DSCAM: variants seen among roughly 807,000 people sequenced by gnomAD.
The protein encoded by DSCAM is cell adhesion molecule DSCAM.
DSCAM carries 47 observed loss-of-function variants against 217.7 expected under a neutral mutation model. The observed-to-expected ratio is 0.22, with a 90% confidence interval of 0.17 to 0.28. The LOEUF (loss-of-function observed/expected upper bound fraction) is 0.28, where lower values mean the gene tolerates loss of function less well. Ranked by LOEUF, DSCAM falls within the 10% of genes least tolerant of loss-of-function variation. The probability of loss-of-function intolerance (pLI) is 1.00; values close to 1 mark genes in which losing one functional copy is unlikely to be tolerated. For missense variants in DSCAM, 2,080 were observed against 2,618.3 expected, an observed-to-expected ratio of 0.79 and a Z score of 4.49; for synonymous variants, 1,056 against 1,015.3, an observed-to-expected ratio of 1.04 and a Z score of -0.76.
At chr21:40,152,401 G>A (rs1351205353) in intron 16 of DSCAM, among the ~76,000 whole-genome samples, 1 of 152,162 alleles carries the variant, frequency 6.6e-6, no homozygotes, top group Admixed American at 6.5e-5. Flanking sequence ...TTCCCATGTT[G>A]AACTTTACTC....
chr21:40,403,039 T>A (rs1299386894), intron 3 of DSCAM, among the ~76,000 whole-genome samples: 1 of 152,078 alleles, frequency 6.6e-6, no homozygotes. Flanking sequence ...TATCCTTCAC[T>A]AGACACTGAA....
intron 20 of DSCAM, among the ~76,000 whole-genome samples, chr21:40,115,989 T>G (rs949518209): frequency 6.6e-6 from 1 of 152,180 alleles, no homozygotes; most frequent in Non-Finnish European, 1.5e-5. Flanking sequence ...AAGAACAAGA[T>G]CATGTCCTTT....
intron 21 of DSCAM, among the ~76,000 whole-genome samples, chr21:40,090,623 C>T (rs1358321231): frequency 1.3e-5 from 2 of 151,936 alleles, no homozygotes; most frequent in African/African-American, 2.4e-5. Context: ...TCTGCTGCCT[C>T]TCTGGCTTTT....
chr21:40,062,296 C>T (rs2089135750), intron 28 of DSCAM, among the ~76,000 whole-genome samples: 1 of 152,170 alleles, frequency 6.6e-6, no homozygotes, highest in African/African-American at 2.4e-5. Context: ...TCATTCATCC[C>T]CTCCACGGTT....
intron 18 of DSCAM, 111 bp downstream of exon 18, chr21:40,142,447 A>T: frequency 8.3e-7 from 1 of 1,203,298 alleles, no homozygotes; most frequent in Non-Finnish European, 1.2e-6. Flanking sequence ...GTCTATTGAT[A>T]AAGAGGTGCC....
In DSCAM at chr21:40,820,718, A is replaced by G. The variant is rs925815356; in HGVS notation, c.43+25901T>C. Reference sequence around the variant, plus strand: ...ATAGCCATGTAAAAATTCAAAGAAAAAAACAAAAAATCAAGAGTGAGTGAA... The same window carrying G: ...ATAGCCATGTAAAAATTCAAAGAAAGAAACAAAAAATCAAGAGTGAGTGAA... On this transcript the variant is annotated intron_variant, in intron 1 of 32. Coordinates refer to ENST00000400454, the MANE Select transcript of DSCAM (RefSeq NM_001389.5). 3.9e-5 allele frequency among the ~76,000 whole-genome samples: 6 copies of G among 152,314 alleles called. No homozygotes were observed. In the South Asian group the frequency reaches 6.2e-4, roughly 16 times the overall value.
intron 3 of DSCAM, among the ~76,000 whole-genome samples, chr21:40,520,360 A>G (rs1046234799): frequency 6.6e-6 from 1 of 152,220 alleles, no homozygotes; most frequent in Admixed American, 6.5e-5. Flanking sequence ...GATTCAATGC[A>G]ATGCTATTAT....
chr21:40,750,617 C>T (rs1257542906), intron 1 of DSCAM, among the ~76,000 whole-genome samples: 1 of 151,996 alleles, frequency 6.6e-6, no homozygotes, highest in Non-Finnish European at 1.5e-5. Flanking sequence ...TATCTAAACT[C>T]CAAACTTCTA....
At chr21:40,172,329 G>A (rs901904731) in intron 15 of DSCAM, among the ~76,000 whole-genome samples, 11 of 152,204 alleles carry the variant, frequency 7.2e-5, no homozygotes, top group African/African-American at 2.4e-4. Flanking sequence ...AAAACTCTTC[G>A]ATCTGTAAAG....
At chr21:40,634,221 G>A (rs1431769392) in intron 3 of DSCAM, among the ~76,000 whole-genome samples, 1 of 152,186 alleles carries the variant, frequency 6.6e-6, no homozygotes, top group East Asian at 1.9e-4. Context: ...AAAACAATAA[G>A]AGGAAAGATG....
intron 3 of DSCAM, among the ~76,000 whole-genome samples, chr21:40,590,698 G>T (rs1254971321): frequency 6.6e-6 from 1 of 151,952 alleles, no homozygotes; most frequent in East Asian, 1.9e-4. Context: ...ACTATACTTG[G>T]GTCTCCCTTT....
chr21:40,487,292 CGTGTGTGCGTGCGT>C (rs1157250206), intron 3 of DSCAM, among the ~76,000 whole-genome samples: 23 of 133,134 alleles, frequency 1.7e-4, no homozygotes, highest in African/African-American at 6.3e-4. Flanking sequence ...TGCATGTGTG[CGTGTGTGCGTGCGT>C]GTGTGTGTGT....
chr21:40,566,023 G>A (rs985620281), intron 3 of DSCAM, among the ~76,000 whole-genome samples: 1 of 152,072 alleles, frequency 6.6e-6, no homozygotes, highest in African/African-American at 2.4e-5. Flanking sequence ...AAACCAAAAG[G>A]GTTTAAGTCT....
chr21:40,529,139 C>T lies in DSCAM; in HGVS notation c.509-159894G>A, dbSNP rs149901567. 5.9e-5 allele frequency among the ~76,000 whole-genome samples: 9 copies of T among 152,052 alleles called. 1 individual carries two copies. The highest frequency in any genetic ancestry group is 1.9e-4 in the African/African-American group (8 of 41,478). ...CAGGATGGTCTCGATCTCCTGACCT[C>T]GTGATCCGCCCTCCTCAGCCTCCCA... On this transcript the variant is annotated intron_variant, in intron 3 of 32. Coordinates refer to ENST00000400454, the MANE Select transcript of DSCAM (RefSeq NM_001389.5).
At chr21:40,786,280 A>AAG (rs2091593502) in intron 1 of DSCAM, among the ~76,000 whole-genome samples, 1 of 151,836 alleles carries the variant, frequency 6.6e-6, no homozygotes, top group Non-Finnish European at 1.5e-5. Context: ...GAAAGAAAGA[A>AAG]AAAAAGGAAG....
chr21:40,769,477 G>A (rs563763461), intron 1 of DSCAM, among the ~76,000 whole-genome samples: 2 of 152,304 alleles, frequency 1.3e-5, no homozygotes, highest in South Asian at 2.1e-4. Context: ...GTGGACACAG[G>A]TGGGTATTGT....
intron 11 of DSCAM, among the ~76,000 whole-genome samples, chr21:40,221,846 A>C (rs2091291684): frequency 6.6e-6 from 1 of 152,150 alleles, no homozygotes; most frequent in South Asian, 2.1e-4. Context: ...ATTCCATCTC[A>C]ACCATTGAGG....
chr21:40,417,245 T>C (rs899526696), intron 3 of DSCAM, among the ~76,000 whole-genome samples: 4 of 152,314 alleles, frequency 2.6e-5, no homozygotes, highest in Middle Eastern at 3.4e-3. Context: ...TTTATTATTA[T>C]TATACTTAAA....
chr21:40,675,102 G>T (rs1227319645), intron 3 of DSCAM, among the ~76,000 whole-genome samples: 2 of 152,146 alleles, frequency 1.3e-5, no homozygotes, highest in African/African-American at 4.8e-5. Flanking sequence ...CTGCTGTGGG[G>T]CTGGCATCTC....
Sources: gnomAD v4.1 joint callset for allele counts (sites outside exome capture counted in the v4.1 genomes callset) on GRCh38, gnomAD v4.1.1 for gene constraint, MANE v1.5 for transcripts, NCBI Gene and HGNC (gene_info 2026-07-23, HGNC 2026-07-21) for gene names.